The following GOSR1 variants were observed in gnomAD, a reference collection of about 807,000 sequenced individuals.
GOSR1 encodes 28 kDa Golgi SNARE protein.
GOSR1 carries 21 observed loss-of-function variants against 35.5 expected under a neutral mutation model. The observed-to-expected ratio is 0.59, with a 90% confidence interval of 0.42 to 0.85. GOSR1 has a LOEUF of 0.85. Among genes scored for constraint, GOSR1 ranks in the 40% least tolerant of loss-of-function variants. The pLI is 0.00. For missense variants in GOSR1, 285 were observed against 309.6 expected (o/e 0.92, Z 0.60); for synonymous variants, 94 against 106.6 (o/e 0.88, Z 0.73).
At chr17:30,488,365 C>T (rs1226630838) in intron 4 of GOSR1, among the ~76,000 whole-genome samples, 7 of 151,558 alleles carry the variant, frequency 4.6e-5, no homozygotes, top group East Asian at 1.9e-4. Flanking sequence ...GGGGTTTCAC[C>T]GTGTTAGCCA....
At chr17:30,489,930 G>T (rs143039940) in intron 4 of GOSR1, among the ~76,000 whole-genome samples, 196 bp from the exon 5 acceptor site, 52 of 152,280 alleles carry the variant, frequency 3.4e-4, no homozygotes, top group African/African-American at 1.2e-3. Context: ...CCCTAGCACT[G>T]AATTATTTTC....
At chr17:30,511,423 AG>A (rs1411672164) in intron 7 of GOSR1, among the ~76,000 whole-genome samples, 5 of 152,242 alleles carry the variant, frequency 3.3e-5, no homozygotes, top group African/African-American at 9.6e-5. Context: ...ATTTTATGAC[AG>A]TAAAAAAGTA....
chr17:30,479,573 A>G (rs1193793346), intron 1 of GOSR1: 1 of 152,114 alleles, frequency 6.6e-6, no homozygotes, highest in Non-Finnish European at 1.5e-5. Context: ...ATCTCCACTC[A>G]CTGCAAACTC....
In GOSR1 at chr17:30,523,465, C is replaced by T. The variant is rs1307748494; in HGVS notation, c.*1087C>T. On this transcript the variant is annotated 3_prime_UTR_variant, in exon 9 of 9. Transcript: ENST00000451249. Reference sequence around the variant, plus strand: ...GAGGAGCCCCTCCGCCCGGCAGCCACCCCATCTGGGAAGTGAGGAGCGTCT... The same window carrying T: ...GAGGAGCCCCTCCGCCCGGCAGCCATCCCATCTGGGAAGTGAGGAGCGTCT... The T allele has an allele frequency of 3.1e-5, 5 of 163,528 alleles. No individual in the cohort carries two copies. Among genetic ancestry groups the T allele is most frequent in the East Asian group, 1.8e-4 (1 of 5,524 alleles). The allele number at this position is 163,528 out of a possible 1,614,324, so 10.1% of individuals were successfully genotyped here. A position where few individuals can be genotyped will look rare whatever the true frequency, so the allele number is the denominator to read the frequency against.
intron 7 of GOSR1, among the ~76,000 whole-genome samples, chr17:30,518,265 C>G (rs1446578662): frequency 6.6e-6 from 1 of 152,044 alleles, no homozygotes; most frequent in Non-Finnish European, 1.5e-5. Flanking sequence ...GAGTATAGCC[C>G]TCTACCTGGC....
intron 6 of GOSR1, among the ~76,000 whole-genome samples, chr17:30,507,891 A>G (rs1967464612): frequency 6.6e-6 from 1 of 152,248 alleles, no homozygotes; most frequent in African/African-American, 2.4e-5. Context: ...CGCTGTAAAC[A>G]TTGTTGAAAT....
chr17:30,482,156 A>G (rs746697911), intron 2 of GOSR1, among the ~76,000 whole-genome samples: 2 of 152,010 alleles, frequency 1.3e-5, no homozygotes, highest in East Asian at 1.9e-4. Context: ...CTGCATGTTT[A>G]TATTCCTGAG....
chr17:30,512,434 C>T (rs558007176), intron 7 of GOSR1, among the ~76,000 whole-genome samples: 47 of 152,270 alleles, frequency 3.1e-4, no homozygotes, highest in African/African-American at 1.1e-3. Flanking sequence ...GTTTAACATA[C>T]ATTGATGCTC....
chr17:30,517,870 C>A (rs542162124), intron 7 of GOSR1, among the ~76,000 whole-genome samples: 8 of 152,286 alleles, frequency 5.3e-5, no homozygotes, highest in African/African-American at 1.9e-4. Context: ...CAATAAGATA[C>A]ATGGTGGTTT....
At chr17:30,519,491 TG>T (rs1675200912) in intron 7 of GOSR1, among the ~76,000 whole-genome samples, 4 of 152,254 alleles carry the variant, frequency 2.6e-5, no homozygotes, top group Non-Finnish European at 4.4e-5. Flanking sequence ...GGGCTGGTTG[TG>T]TATTCACATT....
At chr17:30,505,219 G>C (rs1380947416) in intron 6 of GOSR1, among the ~76,000 whole-genome samples, 1 of 152,126 alleles carries the variant, frequency 6.6e-6, no homozygotes, top group Non-Finnish European at 1.5e-5. Flanking sequence ...GTTAATTATA[G>C]ATTTGCATGC....
At chr17:30,481,513 G>A (rs188452659) in intron 2 of GOSR1, among the ~76,000 whole-genome samples, 63 of 152,166 alleles carry the variant, frequency 4.1e-4, no homozygotes, top group African/African-American at 1.3e-3. Context: ...GAATAAGTTT[G>A]TATCAAAAAT....
intron 2 of GOSR1, among the ~76,000 whole-genome samples, chr17:30,483,625 C>G (rs1049605693): frequency 1.4e-4 from 21 of 152,314 alleles, no homozygotes; most frequent in African/African-American, 5.1e-4. Flanking sequence ...GGGCATTTAT[C>G]TGTGTCCAGT....
At chr17:30,483,034 A>G (rs1346690572) in intron 2 of GOSR1, 2 of 152,144 alleles carry the variant, frequency 1.3e-5, no homozygotes, top group African/African-American at 4.8e-5. Flanking sequence ...TGTCTATTCT[A>G]AAGTGTCTTG....
At chr17:30,520,277 TC>T in intron 8 of GOSR1, 1 of 315,700 alleles carries the variant, frequency 3.2e-6, no homozygotes, top group African/African-American at 2.1e-5. Flanking sequence ...TTAAAAATTA[TC>T]CACCAATTTC....
chr17:30,493,025 G>A (rs972922939), intron 6 of GOSR1, among the ~76,000 whole-genome samples: 117 of 147,620 alleles, frequency 7.9e-4, no homozygotes, highest in African/African-American at 2.8e-3. Context: ...ATGGAGTCTC[G>A]CTCCGTCACC....
At chr17:30,493,434 C>T (rs927385791) in intron 6 of GOSR1, among the ~76,000 whole-genome samples, 117 of 152,288 alleles carry the variant, frequency 7.7e-4, no homozygotes, top group African/African-American at 2.7e-3. Flanking sequence ...ATAACACAAG[C>T]TTCTAAATAC....
intron 4 of GOSR1, among the ~76,000 whole-genome samples, chr17:30,487,713 A>G (rs1407944431): frequency 6.6e-6 from 1 of 152,228 alleles, no homozygotes; most frequent in Non-Finnish European, 1.5e-5. Flanking sequence ...TGTTTATAGA[A>G]GGCAGTTTAG....
intron 7 of GOSR1, among the ~76,000 whole-genome samples, chr17:30,514,347 T>A (rs563570650): frequency 1.3e-5 from 2 of 152,348 alleles, no homozygotes; most frequent in African/African-American, 2.4e-5. Flanking sequence ...GATTAGTGCC[T>A]TCCACTTTCT....
Sources: gnomAD v4.1 joint callset for allele counts (sites outside exome capture counted in the v4.1 genomes callset) on GRCh38, gnomAD v4.1.1 for gene constraint, MANE v1.5 for transcripts, NCBI Gene and HGNC (gene_info 2026-07-23, HGNC 2026-07-21) for gene names.